The following CBFA2T3 variants were observed in gnomAD, a reference collection of about 807,000 sequenced individuals.
CBFA2T3 encodes CBFA2/RUNX1 partner transcriptional co-repressor 3.
In CBFA2T3, 31 loss-of-function variants were observed where a neutral mutation model predicts 58.6. That is an observed-to-expected ratio of 0.53 (90% CI 0.40 to 0.71). The LOEUF (loss-of-function observed/expected upper bound fraction) is 0.71, where lower values mean the gene tolerates loss of function less well. CBFA2T3 is among the 30% of genes least tolerant of loss of function. The pLI, the probability that CBFA2T3 is intolerant of heterozygous loss-of-function variation, is 0.00. For synonymous variants in CBFA2T3, 531 were observed against 421.9 expected (o/e 1.26, Z -3.17); for missense variants, 1,076 against 963.1 (o/e 1.12, Z -1.55).
chr16:88,920,443 ATTTTTTTT>A (rs368094716), intron 1 of CBFA2T3, among the ~76,000 whole-genome samples: 4 of 138,870 alleles, frequency 2.9e-5, no homozygotes, highest in Non-Finnish European at 3.1e-5. Flanking sequence ...TACCCGGCCA[ATTTTTTTT>A]TTTTTTTTTT....
chr16:88,950,069 TG>T (rs1303124419), intron 1 of CBFA2T3, among the ~76,000 whole-genome samples: 3 of 152,126 alleles, frequency 2.0e-5, no homozygotes, highest in Non-Finnish European at 4.4e-5. Context: ...ACGGCTTCCC[TG>T]CTTCTCTTCC....
chr16:88,967,148 G>A (rs1400512416), intron 1 of CBFA2T3, among the ~76,000 whole-genome samples: 9 of 116,588 alleles, frequency 7.7e-5, no homozygotes, highest in South Asian at 2.9e-4. Context: ...CCCGACACGC[G>A]GCAGCACCAT....
intron 1 of CBFA2T3, among the ~76,000 whole-genome samples, chr16:88,963,759 G>A (rs537220549): frequency 1.3e-5 from 2 of 152,374 alleles, no homozygotes; most frequent in South Asian, 4.1e-4. Flanking sequence ...CACTTCGTGA[G>A]CCAGGCACAC....
intron 1 of CBFA2T3, among the ~76,000 whole-genome samples, chr16:88,916,132 G>A (rs889848897): frequency 1.3e-5 from 2 of 148,200 alleles, no homozygotes; most frequent in African/African-American, 2.5e-5. Context: ...GTGCACTCAC[G>A]TGTACATGTG....
At chr16:88,950,107 C>G (rs1365663966) in intron 1 of CBFA2T3, 1 of 448,328 alleles carries the variant, frequency 2.2e-6, no homozygotes, top group African/African-American at 2.0e-5. Context: ...CTCCTCCTCT[C>G]CCGTCTCTCT....
chr16:88,903,791 C>T (rs1970196790), intron 1 of CBFA2T3, among the ~76,000 whole-genome samples: 1 of 151,658 alleles, frequency 6.6e-6, no homozygotes, highest in Non-Finnish European at 1.5e-5. Context: ...GGGATGTGGC[C>T]GAGAGCTTCA....
chr16:88,925,180 C>A (rs1971046427), intron 1 of CBFA2T3, among the ~76,000 whole-genome samples: 1 of 152,228 alleles, frequency 6.6e-6, no homozygotes. Context: ...GGCCGGGTTC[C>A]AGCCCTGCCC....
intron 9 of CBFA2T3, 52 bp downstream of exon 9, chr16:88,881,239 G>A (rs369662071): frequency 8.7e-6 from 13 of 1,501,254 alleles, no homozygotes; most frequent in South Asian, 5.7e-5. Context: ...CCAGGTGTCC[G>A]CCCCACCAGA....
intron 1 of CBFA2T3, among the ~76,000 whole-genome samples, chr16:88,925,556 G>T (rs904585509): frequency 6.6e-6 from 1 of 152,202 alleles, no homozygotes; most frequent in East Asian, 1.9e-4. Context: ...TGGCAGGCGG[G>T]ACAGGCAGTC....
chr16:88,902,738 C>T (rs887352091), intron 1 of CBFA2T3, among the ~76,000 whole-genome samples: 3 of 152,232 alleles, frequency 2.0e-5, no homozygotes, highest in Non-Finnish European at 4.4e-5. Context: ...GGCAGAAAGA[C>T]CTGCTATCCG....
intron 1 of CBFA2T3, among the ~76,000 whole-genome samples, chr16:88,948,206 A>G (rs974698807): frequency 2.0e-5 from 3 of 152,194 alleles, no homozygotes; most frequent in African/African-American, 7.2e-5. Context: ...CATCAAAGTC[A>G]TTTTTAATAA....
At position 88,958,294 on chromosome 16, in the gene CBFA2T3, C is replaced by A. The variant is rs1972281899; in HGVS notation, c.151+18363G>T. On this transcript the variant is annotated intron_variant, in intron 1 of 11. Coordinates refer to ENST00000268679, the MANE Select transcript of CBFA2T3 (RefSeq NM_005187.6). This position sits in a 1 kb window ranked among gnomAD's most constrained non-coding sequence, Gnocchi z 4.0. ...GGAAGCTTTGAGCTTCCTCAAAAAG[C>A]TATTTTGAGCCTAAAATAGCTTCAA... Among the ~76,000 whole-genome samples, 2 of 151,840 alleles carry A rather than the reference C, an allele frequency of 1.3e-5. No individual in the cohort carries two copies. The highest frequency in any genetic ancestry group is 4.8e-5 in the African/African-American group (2 of 41,380).
chr16:88,935,970 G>A (rs1161652180), intron 1 of CBFA2T3, among the ~76,000 whole-genome samples: 1 of 152,180 alleles, frequency 6.6e-6, no homozygotes, highest in Non-Finnish European at 1.5e-5. Flanking sequence ...AAGAAACCGA[G>A]GGGCTGCCCA....
intron 1 of CBFA2T3, among the ~76,000 whole-genome samples, chr16:88,972,019 C>T (rs530530482): frequency 7.2e-5 from 11 of 152,344 alleles, no homozygotes; most frequent in African/African-American, 2.6e-4. Context: ...CCACTTCCTC[C>T]AGGAAGCTGG....
chr16:88,974,544 G>A (rs1287822623), intron 1 of CBFA2T3, among the ~76,000 whole-genome samples: 1 of 152,152 alleles, frequency 6.6e-6, no homozygotes, highest in African/African-American at 2.4e-5. Flanking sequence ...GCCACCAAAC[G>A]CGCAGCAACA....
rs1202876031 is a variant in CBFA2T3, at chr16:88,885,414, G to T, written c.894-145C>A. 4 of 547,784 alleles carry T rather than the reference G, an allele frequency of 7.3e-6. No homozygotes were observed. In the African/African-American group the frequency reaches 7.9e-5, roughly 11 times the overall value. 33.9% of individuals were successfully genotyped at this position (547,784 alleles called of 1,614,324 possible). A position where few individuals can be genotyped will look rare whatever the true frequency, so the allele number is the denominator to read the frequency against. On this transcript the variant is annotated intron_variant, in intron 6 of 11. Transcript: ENST00000268679. The surrounding 1 kb of genome is among the most constrained non-coding windows in gnomAD (Gnocchi z 5.3). ...GACAGAAACACGGAGCAAAACACCAGCCCCGGGAAGCCCAGCCCGGCGCCC... is the reference window on the plus strand; with the variant it reads ...GACAGAAACACGGAGCAAAACACCATCCCCGGGAAGCCCAGCCCGGCGCCC...
At chr16:88,881,545 A>C in intron 8 of CBFA2T3, 56 bp from the exon 9 acceptor site, 2 of 1,530,846 alleles carry the variant, frequency 1.3e-6, no homozygotes, top group African/African-American at 1.4e-5. Flanking sequence ...CGCACCAGAC[A>C]CTCCCCCAGC....
chr16:88,910,312 C>T (rs1027262949), intron 1 of CBFA2T3, among the ~76,000 whole-genome samples: 4 of 152,202 alleles, frequency 2.6e-5, no homozygotes, highest in Non-Finnish European at 4.4e-5. Flanking sequence ...CTCCTGTCAC[C>T]GGCTCTCCCT....
Position 88,885,674 on chromosome 16 carries a change from G to A in CBFA2T3, c.893+287C>T, listed in dbSNP as rs1190395281. The A allele has an allele frequency of 1.1e-5, 5 of 470,864 alleles. No individual in the cohort carries two copies. The highest frequency in any genetic ancestry group is 2.9e-5 in the South Asian group (1 of 34,644). The allele number at this position is 470,864 out of a possible 1,614,324, so 29.2% of individuals were successfully genotyped here. A position where few individuals can be genotyped will look rare whatever the true frequency, so the allele number is the denominator to read the frequency against. ...CACCTGGGGACCATGGACCCCGGAC[G>A]CTCGGAGTCCATGCCCGGCACACAG... On this transcript the variant is annotated intron_variant, in intron 6 of 11. Coordinates refer to ENST00000268679, the MANE Select transcript of CBFA2T3 (RefSeq NM_005187.6). The surrounding 1 kb of genome is among the most constrained non-coding windows in gnomAD (Gnocchi z 5.3).
Sources: gnomAD v4.1 joint callset for allele counts (sites outside exome capture counted in the v4.1 genomes callset) on GRCh38, gnomAD v4.1.1 for gene constraint, Gnocchi (gnomAD v3.1) non-coding constraint, MANE v1.5 for transcripts, NCBI Gene and HGNC (gene_info 2026-07-23, HGNC 2026-07-21) for gene names.